Variants in CDH8 observed in about 807,000 individuals in gnomAD.
CDH8 encodes cadherin-8.
A neutral mutation model predicts 68.1 loss-of-function variants in CDH8; 17 were observed. The ratio of observed to expected loss-of-function variants is 0.25; its 90% CI spans 0.17 to 0.37. CDH8 has a LOEUF of 0.37. Ranked by LOEUF, CDH8 falls within the 10% of genes least tolerant of loss-of-function variation. CDH8 has a pLI of 1.00. For missense variants in CDH8, 763 were observed against 999.3 expected, an observed-to-expected ratio of 0.76 and a Z score of 3.19; for synonymous variants, 372 against 365.1, an observed-to-expected ratio of 1.02 and a Z score of -0.21.
At chr16:61,989,506 T>C (rs1965682182) in intron 2 of CDH8, among the ~76,000 whole-genome samples, 1 of 152,124 alleles carries the variant, frequency 6.6e-6, no homozygotes, top group Non-Finnish European at 1.5e-5. Context: ...AAGAACAATA[T>C]ACACATTCAG....
intron 8 of CDH8, among the ~76,000 whole-genome samples, chr16:61,756,959 A>G (rs1960335596): frequency 1.3e-5 from 2 of 152,176 alleles, no homozygotes; most frequent in African/African-American, 4.8e-5. Context: ...TTAGTAATTT[A>G]GACTCCATTT....
rs148580693 is a variant in CDH8, at chr16:61,723,028, A to G, written c.1536+4066T>C. Among the ~76,000 whole-genome samples, 176 of 150,876 alleles carry G rather than the reference A, an allele frequency of 1.2e-3. 1 individual carries two copies. Among genetic ancestry groups the G allele is most frequent in the African/African-American group, 4.1e-3 (170 of 41,400 alleles). ...TAACTGAAACTGCCTGACACCTCTC[A>G]AACAATGAATATTTTCTGAGACTGA... On this transcript the variant is annotated intron_variant, in intron 9 of 11. Coordinates refer to ENST00000577390, the MANE Select transcript of CDH8 (RefSeq NM_001796.5).
intron 10 of CDH8, among the ~76,000 whole-genome samples, chr16:61,670,919 A>G (rs1963778536): frequency 6.6e-6 from 1 of 152,084 alleles, no homozygotes; most frequent in Non-Finnish European, 1.5e-5. Context: ...TTTATAACTT[A>G]TGAATTGTTT....
chr16:61,938,372 C>A (rs1189960495), intron 2 of CDH8, among the ~76,000 whole-genome samples: 1 of 152,086 alleles, frequency 6.6e-6, no homozygotes, highest in African/African-American at 2.4e-5. Flanking sequence ...TCACTCCTTG[C>A]ATTTAGATAT....
Position 61,705,928 on chromosome 16 carries a change from C to T in CDH8, c.1654+7913G>A, listed in dbSNP as rs564591800. Among the ~76,000 whole-genome samples the T allele has an allele frequency of 7.2e-5, 11 of 152,284 alleles. No individual in the cohort carries two copies. The South Asian group carries it at 1.0e-3, about 14-fold the overall frequency. On this transcript the variant is annotated intron_variant, in intron 10 of 11. Transcript: ENST00000577390. Reference sequence around the variant, plus strand: ...GAGTCCTGAGGAAAACAAAAATATACTGTATAGAAGGGCAAAACCTGTGTC... The same window carrying T: ...GAGTCCTGAGGAAAACAAAAATATATTGTATAGAAGGGCAAAACCTGTGTC...
At chr16:61,992,754 AC>A (rs1341495973) in intron 2 of CDH8, among the ~76,000 whole-genome samples, 2 of 152,100 alleles carry the variant, frequency 1.3e-5, no homozygotes, top group Non-Finnish European at 2.9e-5. Context: ...CAGATAGCTT[AC>A]CTCCTGGTGT....
chr16:61,900,428 CA>C (rs771365252), intron 3 of CDH8, among the ~76,000 whole-genome samples: 42 of 152,250 alleles, frequency 2.8e-4, no homozygotes, highest in African/African-American at 9.4e-4. Context: ...TTTTATCATA[CA>C]AGGAAGAGCT....
intron 3 of CDH8, among the ~76,000 whole-genome samples, chr16:61,894,820 A>G (rs1027681522): frequency 6.6e-6 from 1 of 152,126 alleles, no homozygotes; most frequent in African/African-American, 2.4e-5. Flanking sequence ...CCTCAGTGAA[A>G]CCACTTTGGA....
chr16:61,916,725 G>C (rs974729800), intron 2 of CDH8, among the ~76,000 whole-genome samples: 3 of 152,042 alleles, frequency 2.0e-5, no homozygotes, highest in Non-Finnish European at 2.9e-5. Flanking sequence ...GTGGCAAAAA[G>C]CTCACCTGGG....
At chr16:61,777,752 T>C (rs1364067403) in intron 8 of CDH8, among the ~76,000 whole-genome samples, 1 of 152,114 alleles carries the variant, frequency 6.6e-6, no homozygotes, top group Non-Finnish European at 1.5e-5. Context: ...AGGATTAGAA[T>C]AAAACTGACA....
intron 2 of CDH8, among the ~76,000 whole-genome samples, chr16:61,989,452 C>G (rs931799366): frequency 6.6e-6 from 1 of 152,148 alleles, no homozygotes; most frequent in African/African-American, 2.4e-5. Flanking sequence ...TTCACCGTAA[C>G]TTCAACTTGG....
chr16:61,840,415 A>C (rs1235680778), intron 4 of CDH8, among the ~76,000 whole-genome samples: 1 of 152,204 alleles, frequency 6.6e-6, no homozygotes, highest in African/African-American at 2.4e-5. Context: ...TGTGCATTCT[A>C]GTGGGATCAG....
intron 2 of CDH8, among the ~76,000 whole-genome samples, chr16:61,991,751 G>T (rs980829199): frequency 6.6e-6 from 1 of 151,988 alleles, no homozygotes; most frequent in African/African-American, 2.4e-5. Context: ...GCTTGCCTTC[G>T]ATTCTTCCAC....
chr16:61,801,583 C>G (rs531251175), intron 7 of CDH8, among the ~76,000 whole-genome samples: 1 of 152,168 alleles, frequency 6.6e-6, no homozygotes, highest in Non-Finnish European at 1.5e-5. Flanking sequence ...GAGTGCCAGA[C>G]AGTGGGCGCA....
At chr16:61,733,116 G>A (rs966672200) in intron 8 of CDH8, among the ~76,000 whole-genome samples, 1 of 151,764 alleles carries the variant, frequency 6.6e-6, no homozygotes, top group Non-Finnish European at 1.5e-5. Context: ...GTACATCAGT[G>A]ATATCACAAA....
At chr16:61,940,652 C>G (rs945564607) in intron 2 of CDH8, 1 of 152,272 alleles carries the variant, frequency 6.6e-6, no homozygotes, top group Non-Finnish European at 1.5e-5. Context: ...CGGCCCTCCT[C>G]GGCCTCCCAA....
chr16:61,701,449 T>G (rs1652821260), intron 10 of CDH8, among the ~76,000 whole-genome samples: 2 of 152,226 alleles, frequency 1.3e-5, no homozygotes, highest in Admixed American at 1.3e-4. Context: ...TTTAATGCAT[T>G]TGAGATACTT....
chr16:61,980,062 T>A (rs1597105298), intron 2 of CDH8, among the ~76,000 whole-genome samples: 1 of 152,210 alleles, frequency 6.6e-6, no homozygotes, highest in South Asian at 2.1e-4. Context: ...CCCAAGAAGG[T>A]ACCACGGCAA....
chr16:61,787,137 A>G (rs1356774425), intron 8 of CDH8, among the ~76,000 whole-genome samples: 2 of 151,948 alleles, frequency 1.3e-5, no homozygotes, highest in East Asian at 1.9e-4. Context: ...AGAAACTACC[A>G]TCAGAGTGAA....
Sources: gnomAD v4.1 joint callset for allele counts (sites outside exome capture counted in the v4.1 genomes callset) on GRCh38, gnomAD v4.1.1 for gene constraint, MANE v1.5 for transcripts, NCBI Gene and HGNC (gene_info 2026-07-23, HGNC 2026-07-21) for gene names.